Variants in OR2L13 observed in about 807,000 individuals in gnomAD.
The protein encoded by OR2L13 is olfactory receptor 2L13.
In OR2L13, 14 loss-of-function variants were observed where a neutral mutation model predicts 15.3. The observed-to-expected ratio is 0.91, with a 90% CI of 0.60 to 1.43. The LOEUF (loss-of-function observed/expected upper bound fraction) is 1.43. Among genes scored for constraint, OR2L13 ranks in the 40% most tolerant of loss-of-function variants. OR2L13 has a pLI of 0.00. For missense variants in OR2L13, 367 were observed against 387.9 expected, an observed-to-expected ratio of 0.95 and a Z score of 0.45; for synonymous variants, 152 against 142.9, an observed-to-expected ratio of 1.06 and a Z score of -0.45.
the OR2L13 span, among the ~76,000 whole-genome samples, chr1:248,067,894 T>C: frequency 3.9e-5 from 6 of 152,182 alleles, no homozygotes; most frequent in African/African-American, 7.2e-5. Flanking sequence ...CGCTGATTGC[T>C]AGCACAGCAG....
the OR2L13 span, among the ~76,000 whole-genome samples, chr1:248,078,063 A>G: frequency 2.0e-5 from 3 of 152,236 alleles, no homozygotes; most frequent in Non-Finnish European, 4.4e-5. Flanking sequence ...ATATATTTTT[A>G]TAATTAAAAT....
chr1:247,960,945 CCT>C, the OR2L13 span, among the ~76,000 whole-genome samples: 1 of 152,128 alleles, frequency 6.6e-6, no homozygotes, highest in African/African-American at 2.4e-5. Flanking sequence ...CACCCAGTGT[CCT>C]GTACCCACTG....
chr1:248,063,922 C>A, the OR2L13 span, among the ~76,000 whole-genome samples: 1 of 152,170 alleles, frequency 6.6e-6, no homozygotes, highest in Non-Finnish European at 1.5e-5. Flanking sequence ...ATGCTGCCAA[C>A]CTGTCCAGCT....
chr1:247,965,955 C>T, the OR2L13 span: 2 of 1,608,626 alleles, frequency 1.2e-6, no homozygotes, highest in Non-Finnish European at 8.5e-7. Flanking sequence ...AGGACACCTC[C>T]CAGTATGAGT....
chr1:248,061,444 G>T, the OR2L13 span: 122,832 of 1,613,644 alleles, frequency 0.076, 5,138 homozygotes, highest in Middle Eastern at 0.1. Context: ...TGCACCTTTT[G>T]TCTACACTTA....
the OR2L13 span, among the ~76,000 whole-genome samples, chr1:248,004,855 G>T: frequency 6.6e-6 from 1 of 152,154 alleles, no homozygotes; most frequent in Non-Finnish European, 1.5e-5. Flanking sequence ...TGAAGACACT[G>T]TCTTTTTCCC....
the OR2L13 span, among the ~76,000 whole-genome samples, chr1:248,090,098 T>C: frequency 1.7e-3 from 252 of 152,272 alleles, no homozygotes; most frequent in Admixed American, 8.3e-3. Context: ...AGCTGCTCAC[T>C]TCTCCTTGCT....
At chr1:248,025,120 C>T in the OR2L13 span, among the ~76,000 whole-genome samples, 1 of 149,520 alleles carries the variant, frequency 6.7e-6, no homozygotes, top group African/African-American at 2.5e-5. Context: ...AACTAAAGAG[C>T]TTCTGCACAG....
the OR2L13 span, among the ~76,000 whole-genome samples, chr1:247,967,231 G>T: frequency 1.3e-5 from 2 of 151,762 alleles, no homozygotes; most frequent in Admixed American, 1.3e-4. Context: ...TTGTTTGTTT[G>T]TTTTTTTGTT....
the OR2L13 span, chr1:248,022,048 T>C: frequency 6.2e-7 from 1 of 1,613,994 alleles, no homozygotes; most frequent in Non-Finnish European, 8.5e-7. Flanking sequence ...GTTCTCATTT[T>C]CCTAATGGCT....
At chr1:248,065,020 A>T in the OR2L13 span, among the ~76,000 whole-genome samples, 1 of 152,358 alleles carries the variant, frequency 6.6e-6, no homozygotes, top group East Asian at 1.9e-4. Context: ...CAACGGAGAA[A>T]GAAGTCAAAT....
the OR2L13 span, among the ~76,000 whole-genome samples, chr1:248,075,250 A>C: frequency 1.3e-5 from 2 of 152,090 alleles, no homozygotes; most frequent in Non-Finnish European, 2.9e-5. Context: ...TATGTGCCAC[A>C]TTTTCTTAAT....
chr1:247,956,662 C>T, the OR2L13 span, among the ~76,000 whole-genome samples: 7 of 151,660 alleles, frequency 4.6e-5, no homozygotes, highest in Admixed American at 3.3e-4. Context: ...TCCTTCACGT[C>T]CCTTCTAAGT....
At chr1:248,034,844 A>C in the OR2L13 span, among the ~76,000 whole-genome samples, 1 of 152,200 alleles carries the variant, frequency 6.6e-6, no homozygotes, top group Admixed American at 6.5e-5. Context: ...ACTTTCTGTG[A>C]GTCACAGCAA....
At chr1:248,093,966 A>G (rs909904466), upstream of OR2L13, among the ~76,000 whole-genome samples, 2 of 152,204 alleles carry the variant, frequency 1.3e-5, no homozygotes, top group African/African-American at 2.4e-5. Flanking sequence ...TGGGCTCAAA[A>G]ATACAGTTAG....
the OR2L13 span, chr1:247,966,054 C>G: frequency 6.2e-7 from 1 of 1,614,102 alleles, no homozygotes; most frequent in South Asian, 1.1e-5. Context: ...TTGTGGTATT[C>G]CAGATGAGCT....
At chr1:248,069,468 A>G in the OR2L13 span, among the ~76,000 whole-genome samples, 3 of 152,202 alleles carry the variant, frequency 2.0e-5, no homozygotes, top group Non-Finnish European at 4.4e-5. Context: ...AGAGCTCCTG[A>G]AGGTAGCACT....
chr1:248,050,389 A>G, the OR2L13 span, among the ~76,000 whole-genome samples: 1 of 152,194 alleles, frequency 6.6e-6, no homozygotes, highest in Non-Finnish European at 1.5e-5. Flanking sequence ...TTTTTACATA[A>G]GAAAAAATAT....
At chr1:247,995,112 G>T in the OR2L13 span, among the ~76,000 whole-genome samples, 3 of 152,240 alleles carry the variant, frequency 2.0e-5, no homozygotes, top group East Asian at 3.9e-4. Context: ...AGGTCCAATA[G>T]CTTTTATCTT....
Sources: allele counts gnomAD v4.1 joint callset (sites outside exome capture counted in the v4.1 genomes callset), GRCh38; gene constraint gnomAD v4.1.1; transcripts MANE v1.5; gene names NCBI Gene and HGNC (gene_info 2026-07-23, HGNC 2026-07-21).